Variants in SCYL2 observed in about 807,000 individuals in gnomAD.
SCYL2 encodes SCY1 like pseudokinase 2.
Under a neutral mutation model 100.4 loss-of-function variants are expected in SCYL2, and 36 were observed. The ratio of observed to expected loss-of-function variants is 0.36; its 90% CI spans 0.27 to 0.47. The LOEUF is 0.47. Ranked by LOEUF, SCYL2 falls within the 20% of genes least tolerant of loss-of-function variation. SCYL2 has a pLI of 1.00. For missense variants in SCYL2, 902 were observed against 1,083.9 expected (o/e 0.83, Z 2.36); for synonymous variants, 330 against 359.2 (o/e 0.92, Z 0.92).
At chr12:100,279,888 A>T (rs1038051529) in intron 1 of SCYL2, among the ~76,000 whole-genome samples, 1 of 152,232 alleles carries the variant, frequency 6.6e-6, no homozygotes, top group Admixed American at 6.5e-5. Flanking sequence ...GGAACAGAGC[A>T]TGAAGGGGAC....
intron 1 of SCYL2, among the ~76,000 whole-genome samples, chr12:100,274,592 A>G (rs1224802979): frequency 6.6e-6 from 1 of 152,216 alleles, no homozygotes; most frequent in African/African-American, 2.4e-5. Flanking sequence ...GCTTTCTCAT[A>G]GAATTAAATC....
intron 6 of SCYL2, among the ~76,000 whole-genome samples, chr12:100,312,876 G>A (rs1471100218): frequency 6.6e-6 from 1 of 152,174 alleles, no homozygotes; most frequent in Non-Finnish European, 1.5e-5. Flanking sequence ...CCAGCACTTG[G>A]GGAGACCCAA....
intron 3 of SCYL2, among the ~76,000 whole-genome samples, chr12:100,295,799 G>C (rs544031607): frequency 0.12 from 18,034 of 150,870 alleles, 1,474 homozygotes; most frequent in Non-Finnish European, 0.18. Context: ...GGGAGAGGGA[G>C]AGCTGGATTT....
chr12:100,296,450 G>T (rs1241283513), intron 3 of SCYL2, among the ~76,000 whole-genome samples: 1 of 152,094 alleles, frequency 6.6e-6, no homozygotes. Flanking sequence ...GAGTACTGAG[G>T]AAAGAACCTT....
Position 100,267,388 on chromosome 12 carries a change from A to G in SCYL2, c.-433A>G. On this transcript the variant is annotated 5_prime_UTR_variant, in exon 1 of 18. Coordinates refer to ENST00000360820, the MANE Select transcript of SCYL2 (RefSeq NM_017988.6). ...GCCCCAGCACCGCCCCTCCTGGAAG[A>G]AGGAAGAGGTAAGTGACCGGCCGCC... 1 of 256,264 alleles carries G rather than the reference A, an allele frequency of 3.9e-6. No individual in the cohort carries two copies. Among genetic ancestry groups the G allele is most frequent in the Non-Finnish European group, 7.5e-6 (1 of 132,684 alleles). 15.9% of individuals were successfully genotyped at this position (256,264 alleles called of 1,614,324 possible). A position where few individuals can be genotyped will look rare whatever the true frequency, so the allele number is the denominator to read the frequency against.
chr12:100,314,811 T>C (rs2096346542), intron 8 of SCYL2, among the ~76,000 whole-genome samples, 197 bp downstream of exon 8: 1 of 152,120 alleles, frequency 6.6e-6, no homozygotes, highest in Admixed American at 6.6e-5. Context: ...GGCTAAAAAA[T>C]TTAGAAGGAT....
At chr12:100,274,316 T>G (rs2096290460) in intron 1 of SCYL2, among the ~76,000 whole-genome samples, 2 of 152,208 alleles carry the variant, frequency 1.3e-5, no homozygotes, top group African/African-American at 4.8e-5. Flanking sequence ...CTGGAGTTTT[T>G]TTGTCAAGAG....
Position 100,313,457 on chromosome 12 carries a change from A to C in SCYL2, c.888A>C (p.Ile296=). The part of the protein sequence containing the change: ...SRLGSSSLTN[I]PEEVREHVKL... ...TAGGATCTAGTTCACTTACAAATAT[A>C]CCTGAGGAAGTTCGTGAACATGTAA... Residue 296 remains isoleucine (I), a synonymous_variant, in exon 7 of 18, where the codon ATA becomes ATC. Transcript: ENST00000360820. 1 of 1,607,154 alleles carries C rather than the reference A, an allele frequency of 6.2e-7. No individual in the cohort carries two copies. Among genetic ancestry groups the C allele is most frequent in the Non-Finnish European group, 8.5e-7 (1 of 1,174,216 alleles).
intron 12 of SCYL2, chr12:100,327,299 G>A (rs2135928136): frequency 4.5e-6 from 1 of 221,706 alleles, no homozygotes; most frequent in East Asian, 1.2e-4. Flanking sequence ...GTGGCTAAGT[G>A]ATATGCTGAT....
intron 4 of SCYL2, among the ~76,000 whole-genome samples, chr12:100,308,807 G>C (rs910706660): frequency 6.6e-6 from 1 of 152,202 alleles, no homozygotes; most frequent in East Asian, 1.9e-4. Flanking sequence ...GCTAGGTCTC[G>C]TTCAAATGCT....
chr12:100,331,991 G>C (rs1237207307), intron 13 of SCYL2, among the ~76,000 whole-genome samples: 1 of 152,146 alleles, frequency 6.6e-6, no homozygotes. Flanking sequence ...TCAGTAGGAG[G>C]ACTCAGGACT....
At position 100,317,925 on chromosome 12, in the gene SCYL2, G is replaced by T; in HGVS notation, c.1395G>T (p.Gln465His). ...TAGAAGCTCCTTCCATTCAGATCCA[G>T]GTACAGTATCTGATTTGTTTTTCTT... is the stretch of plus-strand genomic sequence containing the variant. ...RALEAPSIQI[Q>H]ELCLNIIPTF... The change falls in exon 10 of 18, where the codon CAG becomes CAT. Residue 465 changes from glutamine (Q) to histidine (H), a missense_variant and splice_region_variant. Gln to His is a conservative substitution (Grantham distance 24). Coordinates refer to ENST00000360820, the MANE Select transcript of SCYL2 (RefSeq NM_017988.6). 1.3e-6 allele frequency: 2 copies of T among 1,552,654 alleles called. No individual in the cohort carries two copies. The highest frequency in any genetic ancestry group is 2.3e-5 in the East Asian group (1 of 43,398).
intron 1 of SCYL2, among the ~76,000 whole-genome samples, chr12:100,269,750 A>G (rs1441883747): frequency 2.0e-5 from 3 of 152,136 alleles, no homozygotes; most frequent in Non-Finnish European, 4.4e-5. Flanking sequence ...TAACCATGTA[A>G]CTTAATTTTA....
chr12:100,290,734 C>T (rs550397148), intron 2 of SCYL2, among the ~76,000 whole-genome samples: 22 of 152,222 alleles, frequency 1.4e-4, no homozygotes, highest in Non-Finnish European at 3.1e-4. Flanking sequence ...TTGCTAATTT[C>T]GTTTCCAGTT....
chr12:100,270,276 C>T (rs1385615189), intron 1 of SCYL2, among the ~76,000 whole-genome samples: 1 of 152,108 alleles, frequency 6.6e-6, no homozygotes, highest in African/African-American at 2.4e-5. Flanking sequence ...CGTGAGCCAC[C>T]GCGCCTGGCC....
intron 5 of SCYL2, among the ~76,000 whole-genome samples, chr12:100,311,843 T>A (rs987188745): frequency 6.6e-6 from 1 of 152,172 alleles, no homozygotes; most frequent in Non-Finnish European, 1.5e-5. Flanking sequence ...GCATAGAAGA[T>A]CCTTGGTGAT....
chr12:100,337,997 G>C (rs1341043155), intron 17 of SCYL2, among the ~76,000 whole-genome samples: 1 of 152,166 alleles, frequency 6.6e-6, no homozygotes, highest in Non-Finnish European at 1.5e-5. Context: ...CCTGCTTGTA[G>C]AGAGTTTACA....
chr12:100,319,005 C>A (rs1223593212), intron 10 of SCYL2, among the ~76,000 whole-genome samples: 1 of 152,180 alleles, frequency 6.6e-6, no homozygotes, highest in Non-Finnish European at 1.5e-5. Context: ...AAGAACATCT[C>A]ACTGCAGGAT....
At position 100,321,165 on chromosome 12, in the gene SCYL2, T is replaced by G. The variant is rs74495363; in HGVS notation, c.1396-2360T>G. On this transcript the variant is annotated intron_variant, in intron 10 of 17. Coordinates refer to ENST00000360820, the MANE Select transcript of SCYL2 (RefSeq NM_017988.6). ...TTCTGAGTGGATACAAACAATTAAC[T>G]CTCTTACATTTGCCTTTTGGAAGCC... is the stretch of plus-strand genomic sequence containing the variant. Among the ~76,000 whole-genome samples, 854 of 152,104 alleles carry G rather than the reference T, an allele frequency of 5.6e-3. 9 individuals carry two copies. Among genetic ancestry groups the G allele is most frequent in the African/African-American group, 0.02 (815 of 41,372 alleles).
Sources: gnomAD v4.1 joint callset for allele counts (sites outside exome capture counted in the v4.1 genomes callset) on GRCh38, gnomAD v4.1.1 for gene constraint, MANE v1.5 for transcripts, NCBI Gene and HGNC (gene_info 2026-07-23, HGNC 2026-07-21) for gene names.